ADGRG6: variants seen among roughly 807,000 people sequenced by gnomAD.
The protein encoded by ADGRG6 is adhesion G protein-coupled receptor G6, also known as G-protein coupled receptor 126.
ADGRG6 carries 84 observed loss-of-function variants against 142.4 expected under a neutral mutation model. The observed-to-expected ratio is 0.59, with a 90% CI of 0.49 to 0.71. ADGRG6 has a LOEUF of 0.71. ADGRG6 is among the 30% of genes least tolerant of loss of function. The probability of loss-of-function intolerance (pLI) is 0.00; values close to 1 mark genes in which losing one functional copy is unlikely to be tolerated. For synonymous variants in ADGRG6, 521 were observed against 520.5 expected (o/e 1.00, Z -0.01); for missense variants, 1,367 against 1,466.6 (o/e 0.93, Z 1.11).
chr6:142,370,226 C>A lies in ADGRG6; in HGVS notation c.502C>A (p.Gln168Lys). ...VILPQTSDAY[Q>K]VSVAKSISIP... ...TTTACCCCAGACATCAGATGCTTAC[C>A]AGGTATCTGTTGCAAAAAGCATCTC... The change falls in exon 4 of 25, where the codon CAG (glutamine) becomes AAG (lysine). Residue 168 changes from glutamine (Q) to lysine (K), a missense_variant. Coordinates refer to ENST00000367609, the MANE Select transcript of ADGRG6 (RefSeq NM_198569.3). 1 of 1,608,252 alleles carries A rather than the reference C, an allele frequency of 6.2e-7. No homozygotes were observed.
Position 142,443,976 on chromosome 6 carries a change from T to C in ADGRG6, c.*461T>C, listed in dbSNP as rs541779163. ...CCCACAAATCCCATTCCAGTGTTAC[T>C]TTCTGTGAATGCAGTACCATATTCT... is the stretch of plus-strand genomic sequence containing the variant. On this transcript the variant is annotated 3_prime_UTR_variant, in exon 25 of 25. Coordinates refer to ENST00000367609, the MANE Select transcript of ADGRG6 (RefSeq NM_198569.3). 6.5e-5 allele frequency: 10 copies of C among 152,780 alleles called. No homozygotes were observed. Among genetic ancestry groups the C allele is most frequent in the African/African-American group, 2.4e-4 (10 of 41,604 alleles). The allele number at this position is 152,780 out of a possible 1,614,324, so 9.5% of individuals were successfully genotyped here. A position where few individuals can be genotyped will look rare whatever the true frequency, so the allele number is the denominator to read the frequency against.
At chr6:142,358,965 G>A (rs1780584364) in intron 2 of ADGRG6, among the ~76,000 whole-genome samples, 1 of 151,852 alleles carries the variant, frequency 6.6e-6, no homozygotes, top group Admixed American at 6.6e-5. Context: ...CAGCACTTTG[G>A]GAGGCTGAGG....
At position 142,438,234 on chromosome 6, in the gene ADGRG6, TATC is replaced by T; in HGVS notation, c.3449_3451del (p.Ile1150del). The T allele has an allele frequency of 6.2e-7, 1 of 1,601,140 alleles. No individual in the cohort carries two copies. Among genetic ancestry groups the T allele is most frequent in the Non-Finnish European group, 8.5e-7 (1 of 1,172,680 alleles). The stretch of plus-strand genomic sequence containing the variant: ...CAGATTGGAGTAAGACAGCTACCAA[TATC>T]ATCAAGAAAAGTTCTGATAATCTAG... On this transcript the variant is annotated inframe_deletion, in exon 24 of 25. Transcript: ENST00000367609.
chr6:142,320,695 G>A (rs371359433), intron 2 of ADGRG6, among the ~76,000 whole-genome samples: 2 of 151,966 alleles, frequency 1.3e-5, no homozygotes, highest in East Asian at 1.9e-4. Context: ...AAATTGGATG[G>A]TTGATTTCCA....
At chr6:142,317,799 ATTAT>A (rs1466544831) in intron 2 of ADGRG6, among the ~76,000 whole-genome samples, 1 of 91,538 alleles carries the variant, frequency 1.1e-5, no homozygotes, top group East Asian at 2.7e-4. Context: ...TAATATATAT[ATTAT>A]ATATATTTAT....
chr6:142,340,252 C>G (rs1387081409), intron 2 of ADGRG6, among the ~76,000 whole-genome samples: 1 of 152,098 alleles, frequency 6.6e-6, no homozygotes. Flanking sequence ...AGGTGGAATG[C>G]ACATGTATTC....
rs575224183 is a variant in ADGRG6 at position 142,320,722 on chromosome 6, G to T, written c.103+11078G>T. On this transcript the variant is annotated intron_variant, in intron 2 of 24. Transcript: ENST00000367609. The stretch of plus-strand genomic sequence containing the variant: ...TGATTTCCATTTTTCTGGTTTCATA[G>T]CCCAGATATAACTTGATCAAAAATT... 3.9e-5 allele frequency among the ~76,000 whole-genome samples: 6 copies of T among 152,064 alleles called. No individual in the cohort carries two copies. In the East Asian group the frequency reaches 1.2e-3, roughly 29 times the overall value.
intron 15 of ADGRG6, among the ~76,000 whole-genome samples, chr6:142,406,339 A>G (rs1056587205): frequency 6.6e-6 from 1 of 152,222 alleles, no homozygotes; most frequent in African/African-American, 2.4e-5. Flanking sequence ...AGCACATATT[A>G]TCATTTTTAT....
rs1049188793 is a variant in ADGRG6, at chr6:142,445,386, T to G, written c.*1871T>G. On this transcript the variant is annotated 3_prime_UTR_variant, in exon 25 of 25. Transcript: ENST00000367609. ...GGTTACATATGGATGAAAATGAATCTTAGTCACTGAATATTCATATACATT... is the reference window on the plus strand; with the variant it reads ...GGTTACATATGGATGAAAATGAATCGTAGTCACTGAATATTCATATACATT... The G allele has an allele frequency of 3.3e-5, 5 of 152,164 alleles. No homozygotes were observed. Among genetic ancestry groups the G allele is most frequent in the Non-Finnish European group, 7.4e-5 (5 of 68,026 alleles). 9.4% of individuals were successfully genotyped at this position (152,164 alleles called of 1,614,324 possible). A position where few individuals can be genotyped will look rare whatever the true frequency, so the allele number is the denominator to read the frequency against.
intron 2 of ADGRG6, among the ~76,000 whole-genome samples, chr6:142,356,416 C>G (rs1158478959): frequency 6.6e-6 from 1 of 152,182 alleles, no homozygotes; most frequent in Non-Finnish European, 1.5e-5. Flanking sequence ...CGACCATTAG[C>G]TCTACTTGCA....
chr6:142,435,595 G>A (rs1408349168), intron 22 of ADGRG6, among the ~76,000 whole-genome samples: 1 of 152,098 alleles, frequency 6.6e-6, no homozygotes, highest in Non-Finnish European at 1.5e-5. Flanking sequence ...GATTGATCTT[G>A]GTTACCATTC....
chr6:142,409,203 T>C (rs1775963868), intron 16 of ADGRG6, among the ~76,000 whole-genome samples: 2 of 152,096 alleles, frequency 1.3e-5, no homozygotes, highest in African/African-American at 4.8e-5. Context: ...GCAACCACCA[T>C]CCTACTTTCT....
chr6:142,392,217 A>C (rs75071591), intron 7 of ADGRG6, among the ~76,000 whole-genome samples: 2,548 of 152,042 alleles, frequency 0.017, 77 homozygotes, highest in African/African-American at 0.057. Context: ...CTAAATCACT[A>C]TTCGGAGATG....
At chr6:142,361,461 G>A (rs560360823) in intron 2 of ADGRG6, among the ~76,000 whole-genome samples, 1 of 152,264 alleles carries the variant, frequency 6.6e-6, no homozygotes, top group South Asian at 2.1e-4. Context: ...GTGGTGCTTG[G>A]AGAGGGCTGA....
In ADGRG6 at chr6:142,402,654, T is replaced by C. The variant is rs1775579506; in HGVS notation, c.1779T>C (p.Asn593=). 5.0e-6 allele frequency: 8 copies of C among 1,605,908 alleles called. No individual in the cohort carries two copies. Among genetic ancestry groups the C allele is most frequent in the Non-Finnish European group, 5.1e-6 (6 of 1,174,662 alleles). Residue 593 remains asparagine (N), a synonymous_variant, in exon 13 of 25, where the codon AAT becomes AAC. Coordinates refer to ENST00000367609, the MANE Select transcript of ADGRG6 (RefSeq NM_198569.3). The part of the protein sequence containing the change: ...EANEVANQIL[N]LTADGQNLTS... ...ATGAAGTTGCTAACCAGATTTTAAATTTAACTGCTGATGGGCAGAACTTAA... is the reference window on the plus strand; with the variant it reads ...ATGAAGTTGCTAACCAGATTTTAAACTTAACTGCTGATGGGCAGAACTTAA...
intron 7 of ADGRG6, among the ~76,000 whole-genome samples, chr6:142,390,559 G>A (rs574842922): frequency 6.6e-6 from 1 of 151,936 alleles, no homozygotes; most frequent in East Asian, 1.9e-4. Context: ...GACTATCAAT[G>A]TCTTAAATAA....
chr6:142,335,563 G>A (rs1779271356), intron 2 of ADGRG6, among the ~76,000 whole-genome samples: 1 of 152,112 alleles, frequency 6.6e-6, no homozygotes, highest in Non-Finnish European at 1.5e-5. Context: ...AGGTTGTCTT[G>A]TCCACTGGTG....
intron 2 of ADGRG6, among the ~76,000 whole-genome samples, chr6:142,328,727 T>C (rs1778902177): frequency 6.6e-6 from 1 of 152,172 alleles, no homozygotes; most frequent in Non-Finnish European, 1.5e-5. Flanking sequence ...ATGCAAATCC[T>C]TGGGCGTCAT....
chr6:142,429,351 G>A (rs571116069), intron 22 of ADGRG6, among the ~76,000 whole-genome samples: 2 of 152,250 alleles, frequency 1.3e-5, no homozygotes, highest in South Asian at 4.1e-4. Flanking sequence ...ATATTGAATT[G>A]GTGCCAAGGT....
Sources: allele counts gnomAD v4.1 joint callset (sites outside exome capture counted in the v4.1 genomes callset), GRCh38; gene constraint gnomAD v4.1.1; transcripts MANE v1.5; gene names NCBI Gene and HGNC (gene_info 2026-07-23, HGNC 2026-07-21).